The following GALNT14 variants were observed in gnomAD, a reference collection of about 807,000 sequenced individuals.
GALNT14 encodes the protein polypeptide N-acetylgalactosaminyltransferase 14.
Under a neutral mutation model 77.5 loss-of-function variants are expected in GALNT14, and 60 were observed. The observed-to-expected ratio is 0.77, with a 90% CI of 0.63 to 0.96. The LOEUF is 0.96. GALNT14 is among the 40% of genes least tolerant of loss of function. The probability of loss-of-function intolerance (pLI) is 0.00; values close to 1 mark genes in which losing one functional copy is unlikely to be tolerated. For missense variants in GALNT14, 710 were observed against 731.0 expected (o/e 0.97, Z 0.33); for synonymous variants, 280 against 281.7 (o/e 0.99, Z 0.06).
Position 31,090,011 on chromosome 2 carries a change from T to C in GALNT14, c.129+47947A>G, listed in dbSNP as rs367833715. 2.4e-4 allele frequency among the ~76,000 whole-genome samples: 37 copies of C among 152,284 alleles called. 1 individual carries two copies. The South Asian group carries it at 3.7e-3, about 15-fold the overall frequency. On this transcript the variant is annotated intron_variant, in intron 1 of 14. Transcript: ENST00000349752. Reference sequence around the variant, plus strand: ...AACAGAGCTGATCCAGAGAACTCCATTGCCTGGCAACTGGGACACCATGGA... The same window carrying C: ...AACAGAGCTGATCCAGAGAACTCCACTGCCTGGCAACTGGGACACCATGGA...
rs141098132 is a variant in GALNT14 at position 30,942,242 on chromosome 2, T to C, written c.890A>G (p.Lys297Arg). The C allele has an allele frequency of 2.5e-6, 4 of 1,614,016 alleles. No individual in the cohort carries two copies. The highest frequency in any genetic ancestry group is 3.4e-6 in the Non-Finnish European group (4 of 1,180,010). ...IDKAWFDYLG[K>R]YDMDMDIWGG... Reference sequence around the variant, plus strand: ...CCAGATGTCCATGTCCATATCATATTTCCCCAGGTAATCAAACCAAGCTTT... The same window carrying C: ...CCAGATGTCCATGTCCATATCATATCTCCCCAGGTAATCAAACCAAGCTTT... Residue 297 changes from lysine to arginine, a missense_variant, in exon 9 of 15, where the codon AAA becomes AGA. Coordinates refer to ENST00000349752, the MANE Select transcript of GALNT14 (RefSeq NM_024572.4).
At chr2:30,957,313 C>T (rs1667426331) in intron 4 of GALNT14, among the ~76,000 whole-genome samples, 1 of 152,062 alleles carries the variant, frequency 6.6e-6, no homozygotes. Context: ...TGATTATTTG[C>T]CCAAGGCACA....
the GALNT14 span, among the ~76,000 whole-genome samples, chr2:30,889,792 T>C: frequency 4.4e-4 from 67 of 152,360 alleles, no homozygotes; most frequent in African/African-American, 1.5e-3. Context: ...CCACAGCACG[T>C]TGGCAAATAC....
At chr2:30,902,226 G>A in the GALNT14 span, among the ~76,000 whole-genome samples, 1 of 152,096 alleles carries the variant, frequency 6.6e-6, no homozygotes, top group Admixed American at 6.5e-5. Flanking sequence ...GGTTCAGAAT[G>A]GCTGCTTTGC....
intron 2 of GALNT14, among the ~76,000 whole-genome samples, chr2:30,982,014 A>T (rs1292543824): frequency 6.6e-6 from 1 of 152,216 alleles, no homozygotes; most frequent in East Asian, 1.9e-4. Flanking sequence ...GGGGGAACTG[A>T]CAGCCAGGCC....
At chr2:31,124,158 T>A (rs969037132) in intron 1 of GALNT14, among the ~76,000 whole-genome samples, 3 of 152,168 alleles carry the variant, frequency 2.0e-5, no homozygotes, top group Non-Finnish European at 4.4e-5. Flanking sequence ...CCGCTCTGTC[T>A]CCCCATGCTT....
intron 2 of GALNT14, among the ~76,000 whole-genome samples, chr2:30,967,730 C>A (rs1460500776): frequency 6.6e-6 from 1 of 152,154 alleles, no homozygotes; most frequent in African/African-American, 2.4e-5. Context: ...GCTTCCTGAC[C>A]CATCTTTCTG....
At position 31,055,908 on chromosome 2, in the gene GALNT14, T is replaced by C. The variant is rs77890207; in HGVS notation, c.130-62901A>G. Among the ~76,000 whole-genome samples the C allele has an allele frequency of 6.0e-3, 913 of 152,360 alleles. 8 individuals carry two copies. The highest frequency in any genetic ancestry group is 0.021 in the African/African-American group (860 of 41,588). On this transcript the variant is annotated intron_variant, in intron 1 of 14. Coordinates refer to ENST00000349752, the MANE Select transcript of GALNT14 (RefSeq NM_024572.4). ...CAAGAAGAGACCTAGACAGCGCTAA[T>C]AGCAATGATTCTCCCCACTTGCATT...
At chr2:31,028,951 T>C (rs1255982303) in intron 1 of GALNT14, among the ~76,000 whole-genome samples, 5 of 152,174 alleles carry the variant, frequency 3.3e-5, no homozygotes, top group African/African-American at 7.2e-5. Flanking sequence ...AGCTGCTTTC[T>C]AGAATGAAGA....
At chr2:30,919,038 G>A (rs1664875516) in intron 13 of GALNT14, among the ~76,000 whole-genome samples, 1 of 152,206 alleles carries the variant, frequency 6.6e-6, no homozygotes, top group African/African-American at 2.4e-5. Flanking sequence ...TCCACAGCCA[G>A]TAGCCCACAC....
chr2:30,955,606 A>G lies in GALNT14; in HGVS notation c.654+12T>C. On this transcript the variant is annotated intron_variant, in intron 6 of 14. Coordinates refer to ENST00000349752, the MANE Select transcript of GALNT14 (RefSeq NM_024572.4). ...GGCACGAGGCCCGGCCCTGCTCCTC[A>G]GCCTCACTCACCTCTTTGACCCTGT... The G allele has an allele frequency of 6.2e-7, 1 of 1,613,368 alleles. No individual in the cohort carries two copies. The highest frequency in any genetic ancestry group is 8.5e-7 in the Non-Finnish European group (1 of 1,179,676).
intron 9 of GALNT14, among the ~76,000 whole-genome samples, chr2:30,938,812 A>G (rs1666209677): frequency 6.6e-6 from 1 of 152,224 alleles, no homozygotes; most frequent in Admixed American, 6.5e-5. Flanking sequence ...TGTCCCAATC[A>G]TCTCATGCGT....
chr2:30,893,156 CA>C, the GALNT14 span, among the ~76,000 whole-genome samples: 1 of 152,050 alleles, frequency 6.6e-6, no homozygotes, highest in African/African-American at 2.4e-5. Context: ...AAGAGGGAAA[CA>C]CAAATTAGAG....
intron 1 of GALNT14, among the ~76,000 whole-genome samples, chr2:31,072,415 T>C (rs1573300116): frequency 6.6e-6 from 1 of 152,058 alleles, no homozygotes; most frequent in African/African-American, 2.4e-5. Context: ...TCTTCCTCTC[T>C]TTCATTTTCA....
intron 1 of GALNT14, among the ~76,000 whole-genome samples, chr2:31,122,175 C>G (rs1391497006): frequency 1.3e-5 from 2 of 152,276 alleles, no homozygotes; most frequent in East Asian, 3.9e-4. Flanking sequence ...CCTAGGAAGG[C>G]CGGCCACTGG....
At chr2:31,102,009 T>C (rs1017807715) in intron 1 of GALNT14, among the ~76,000 whole-genome samples, 1 of 152,096 alleles carries the variant, frequency 6.6e-6, no homozygotes, top group Non-Finnish European at 1.5e-5. Context: ...GATTGTAAGT[T>C]TCCTGAGGCC....
chr2:30,948,275 G>C (rs527802531), intron 6 of GALNT14, among the ~76,000 whole-genome samples: 5 of 152,348 alleles, frequency 3.3e-5, no homozygotes, highest in Admixed American at 3.3e-4. Context: ...TGCAATAAAG[G>C]ATTAACCATG....
intron 10 of GALNT14, among the ~76,000 whole-genome samples, chr2:30,930,443 G>T (rs953504321): frequency 7.9e-5 from 12 of 152,172 alleles, no homozygotes; most frequent in African/African-American, 2.9e-4. Flanking sequence ...TTAAAATCAG[G>T]TTATCTGCCC....
chr2:30,965,192 G>A (rs1275467261), intron 3 of GALNT14, among the ~76,000 whole-genome samples: 1 of 151,088 alleles, frequency 6.6e-6, no homozygotes. Context: ...AGGACTCTGA[G>A]ATCAGAGTGC....
Sources: gnomAD v4.1 joint callset for allele counts (sites outside exome capture counted in the v4.1 genomes callset) on GRCh38, gnomAD v4.1.1 for gene constraint, MANE v1.5 for transcripts, NCBI Gene and HGNC (gene_info 2026-07-23, HGNC 2026-07-21) for gene names.